PDE4D: variants seen among roughly 807,000 people sequenced by gnomAD.
PDE4D encodes 3',5'-cyclic-AMP phosphodiesterase 4D.
PDE4D carries 24 observed loss-of-function variants against 87.4 expected under a neutral mutation model. The ratio of observed to expected loss-of-function variants is 0.27; its 90% CI spans 0.20 to 0.39. The LOEUF (loss-of-function observed/expected upper bound fraction) is 0.39. Among genes scored for constraint, PDE4D ranks in the 10% least tolerant of loss-of-function variants. The pLI is 1.00. For synonymous variants in PDE4D, 384 were observed against 383.2 expected (o/e 1.00, Z -0.02); for missense variants, 714 against 1,041.0 (o/e 0.69, Z 4.32).
chr5:58,977,926 A>G (rs138447580), intron 11 of PDE4D, among the ~76,000 whole-genome samples: 211 of 152,240 alleles, frequency 1.4e-3, no homozygotes, highest in African/African-American at 4.7e-3. Flanking sequence ...TATACTGTAC[A>G]GGGATATTGC....
intron 1 of PDE4D, among the ~76,000 whole-genome samples, chr5:60,425,301 A>C (rs767709243): frequency 3.3e-5 from 5 of 152,352 alleles, no homozygotes; most frequent in East Asian, 1.9e-4. Context: ...AGGCTACAGT[A>C]ACCAAAACAG....
chr5:59,364,229 T>C lies in PDE4D; in HGVS notation c.456-148261A>G, dbSNP rs1478690534. On this transcript the variant is annotated intron_variant, in intron 1 of 14. Coordinates refer to ENST00000340635, the MANE Select transcript of PDE4D (RefSeq NM_001104631.2). ...ATTAATAAGACAATTGGACTGGTTC[T>C]GGTTTTTGCTTTCAGTGTTACCACT... 2.6e-5 allele frequency among the ~76,000 whole-genome samples: 4 copies of C among 152,224 alleles called. No homozygotes were observed. In the East Asian group the frequency reaches 5.8e-4, roughly 22 times the overall value.
At chr5:60,333,187 C>T (rs1757457033) in intron 1 of PDE4D, among the ~76,000 whole-genome samples, 1 of 152,188 alleles carries the variant, frequency 6.6e-6, no homozygotes, top group African/African-American at 2.4e-5. Flanking sequence ...GACTCGCTCC[C>T]CTCACTGATT....
At chr5:59,369,337 G>A (rs1783585327) in intron 1 of PDE4D, among the ~76,000 whole-genome samples, 1 of 152,088 alleles carries the variant, frequency 6.6e-6, no homozygotes, top group African/African-American at 2.4e-5. Context: ...CATTTTGCCT[G>A]GTTTTCAGAA....
At chr5:60,256,675 T>A (rs941089204) in intron 1 of PDE4D, among the ~76,000 whole-genome samples, 5 of 151,914 alleles carry the variant, frequency 3.3e-5, no homozygotes, top group African/African-American at 9.7e-5. Context: ...CCCAAGAGGA[T>A]TTGTAAGGCA....
chr5:60,489,368 T>C (rs372964840), upstream of PDE4D, among the ~76,000 whole-genome samples: 5 of 152,360 alleles, frequency 3.3e-5, no homozygotes, highest in East Asian at 7.7e-4. Context: ...TATAAAATCC[T>C]AAGGCAAGAA....
At chr5:59,426,883 C>T (rs980222852) in intron 1 of PDE4D, among the ~76,000 whole-genome samples, 1 of 151,748 alleles carries the variant, frequency 6.6e-6, no homozygotes, top group African/African-American at 2.4e-5. Context: ...AAATTTTGTG[C>T]TTCTATCAAA....
intron 1 of PDE4D, among the ~76,000 whole-genome samples, chr5:60,192,758 A>T (rs1785297454): frequency 6.6e-6 from 1 of 150,714 alleles, no homozygotes; most frequent in Non-Finnish European, 1.5e-5. Context: ...GTACAGTATT[A>T]TGGGTAGTTC....
At chr5:59,523,819 T>G (rs547405067) in intron 1 of PDE4D, among the ~76,000 whole-genome samples, 3 of 152,198 alleles carry the variant, frequency 2.0e-5, no homozygotes, top group Non-Finnish European at 4.4e-5. Context: ...CCCATGCTGT[T>G]CTAATAATAG....
chr5:59,268,229 C>T (rs2153539482), intron 1 of PDE4D, among the ~76,000 whole-genome samples: 1 of 152,188 alleles, frequency 6.6e-6, no homozygotes, highest in Middle Eastern at 3.4e-3. Context: ...AGCCAATCCC[C>T]TTAGAAGGCT....
At chr5:58,983,446 C>T (rs181750082) in intron 11 of PDE4D, among the ~76,000 whole-genome samples, 41 of 152,292 alleles carry the variant, frequency 2.7e-4, no homozygotes, top group African/African-American at 7.9e-4. Context: ...TGGCTTGGCG[C>T]GTTAGATAAT....
chr5:59,043,082 C>T (rs980254205), intron 5 of PDE4D, among the ~76,000 whole-genome samples: 1 of 152,102 alleles, frequency 6.6e-6, no homozygotes. Flanking sequence ...GTTTCTTTGC[C>T]AACACTTGAA....
At chr5:59,047,662 A>G (rs565921723) in intron 5 of PDE4D, among the ~76,000 whole-genome samples, 1 of 152,352 alleles carries the variant, frequency 6.6e-6, no homozygotes, top group South Asian at 2.1e-4. Flanking sequence ...TCTCAGGAGC[A>G]AAGAAAAAGG....
chr5:60,180,824 A>AT (rs1194230100), intron 2 of PDE4D, among the ~76,000 whole-genome samples: 2 of 152,132 alleles, frequency 1.3e-5, no homozygotes, highest in Non-Finnish European at 2.9e-5. Flanking sequence ...TTTTCAAAGG[A>AT]TTTTACCTAC....
intron 3 of PDE4D, among the ~76,000 whole-genome samples, chr5:59,973,553 T>G (rs1761004411): frequency 6.6e-6 from 1 of 152,210 alleles, no homozygotes; most frequent in Non-Finnish European, 1.5e-5. Flanking sequence ...TAGAGTTTTA[T>G]AGAAACACTC....
intron 1 of PDE4D, among the ~76,000 whole-genome samples, chr5:59,499,621 A>G (rs558064643): frequency 4.7e-4 from 72 of 152,118 alleles, no homozygotes; most frequent in Non-Finnish European, 8.8e-5. Flanking sequence ...AACATAAAAG[A>G]TCCTCAGAGA....
intron 1 of PDE4D, among the ~76,000 whole-genome samples, chr5:59,306,703 TAA>T (rs917177591): frequency 3.6e-4 from 54 of 149,238 alleles, no homozygotes; most frequent in African/African-American, 1.3e-3. Context: ...CTCAATGAAA[TAA>T]AAGAGGATAC....
chr5:59,932,571 A>G (rs1561877507), intron 3 of PDE4D, among the ~76,000 whole-genome samples: 1 of 152,206 alleles, frequency 6.6e-6, no homozygotes, highest in African/African-American at 2.4e-5. Flanking sequence ...TGGTAATCTG[A>G]CTTTCAAGTT....
In PDE4D at chr5:59,668,685, A is replaced by G. The variant is rs552281065; in HGVS notation, c.455+224483T>C. Among the ~76,000 whole-genome samples, 18 of 151,244 alleles carry G rather than the reference A, an allele frequency of 1.2e-4. No individual in the cohort carries two copies. In the South Asian group the frequency reaches 3.8e-3, roughly 32 times the overall value. On this transcript the variant is annotated intron_variant, in intron 1 of 14. Transcript: ENST00000340635. ...ATTGCACCACTGCACTCCAGCCTGGACAGAGTCCAGAGTGAGACCCTGCCT... is the reference window on the plus strand; with the variant it reads ...ATTGCACCACTGCACTCCAGCCTGGGCAGAGTCCAGAGTGAGACCCTGCCT...
Sources: allele counts gnomAD v4.1 joint callset (sites outside exome capture counted in the v4.1 genomes callset), GRCh38; gene constraint gnomAD v4.1.1; transcripts MANE v1.5; gene names NCBI Gene and HGNC (gene_info 2026-07-23, HGNC 2026-07-21).